The following GPC5 variants were observed in gnomAD, a reference collection of about 807,000 sequenced individuals.
The protein encoded by GPC5 is glypican-5.
Under a neutral mutation model 53.9 loss-of-function variants are expected in GPC5, and 47 were observed. The ratio of observed to expected loss-of-function variants is 0.87; its 90% CI spans 0.69 to 1.11. The LOEUF (loss-of-function observed/expected upper bound fraction) is 1.11, where lower values mean the gene tolerates loss of function less well. Among genes scored for constraint, GPC5 ranks in the 50% most tolerant of loss-of-function variants. The pLI, the probability that GPC5 is intolerant of heterozygous loss-of-function variation, is 0.00. For missense variants in GPC5, 748 were observed against 713.1 expected (o/e 1.05, Z -0.56); for synonymous variants, 286 against 263.3 (o/e 1.09, Z -0.84).
intron 7 of GPC5, among the ~76,000 whole-genome samples, chr13:92,383,600 AAC>A (rs1338630747): frequency 9.8e-5 from 15 of 152,312 alleles, no homozygotes; most frequent in African/African-American, 3.6e-4. Flanking sequence ...AAAGAAAAGA[AAC>A]ACAGAGGAAA....
intron 2 of GPC5, among the ~76,000 whole-genome samples, chr13:91,606,163 A>G: frequency 6.9e-6 from 1 of 145,628 alleles, no homozygotes; most frequent in African/African-American, 2.6e-5. Flanking sequence ...TTTTAGCATG[A>G]AGGGTTGTTG....
At chr13:91,516,109 G>A (rs1885483296) in intron 2 of GPC5, among the ~76,000 whole-genome samples, 1 of 151,992 alleles carries the variant, frequency 6.6e-6, no homozygotes. Context: ...GATTTGGATG[G>A]GGACACAGCC....
intron 6 of GPC5, among the ~76,000 whole-genome samples, chr13:92,048,955 A>ATT (rs2041005389): frequency 6.6e-6 from 1 of 152,310 alleles, no homozygotes; most frequent in Admixed American, 6.5e-5. Context: ...AACATGGCTT[A>ATT]TTTGGAACAG....
chr13:91,671,399 T>C (rs1202749567), intron 2 of GPC5, among the ~76,000 whole-genome samples: 2 of 152,150 alleles, frequency 1.3e-5, no homozygotes, highest in Non-Finnish European at 2.9e-5. Flanking sequence ...TGTAAAGGAA[T>C]GCTTGTGATT....
intron 7 of GPC5, among the ~76,000 whole-genome samples, chr13:92,707,109 T>C (rs1887978072): frequency 1.4e-5 from 2 of 146,820 alleles, no homozygotes; most frequent in South Asian, 4.5e-4. Context: ...CTATATGACA[T>C]ACATGGCTGC....
chr13:92,311,858 T>A, intron 7 of GPC5, among the ~76,000 whole-genome samples: 1 of 152,098 alleles, frequency 6.6e-6, no homozygotes, highest in East Asian at 1.9e-4. Flanking sequence ...GAGAATAACC[T>A]TTGGCTGATG....
chr13:91,735,177 C>CA, intron 4 of GPC5, among the ~76,000 whole-genome samples: 1 of 151,108 alleles, frequency 6.6e-6, no homozygotes, highest in East Asian at 1.9e-4. Flanking sequence ...TGCATCAACT[C>CA]AAAAAGAGAT....
rs568480961 is a variant in GPC5 at position 92,856,156 on chromosome 13, C to G, written c.1562-10126C>G. Reference sequence around the variant, plus strand: ...AGCAGCACAAAAAAATTTAACTCATCATAATCATATGGGTTTTATTCCTGG... The same window carrying G: ...AGCAGCACAAAAAAATTTAACTCATGATAATCATATGGGTTTTATTCCTGG... On this transcript the variant is annotated intron_variant, in intron 7 of 7. Transcript: ENST00000377067. Among the ~76,000 whole-genome samples the G allele has an allele frequency of 2.0e-4, 30 of 152,098 alleles. 1 individual carries two copies. The South Asian group carries it at 3.7e-3, about 19-fold the overall frequency.
intron 5 of GPC5, among the ~76,000 whole-genome samples, chr13:91,813,920 ATTTTTTTTTT>A (rs71113766): frequency 2.9e-4 from 21 of 72,648 alleles, no homozygotes; most frequent in East Asian, 1.6e-3. Flanking sequence ...ATCTTAACTG[ATTTTTTTTTT>A]TTTTTTTTTT....
At position 92,559,326 on chromosome 13, in the gene GPC5, GTA is replaced by G. The variant is rs1374039618; in HGVS notation, c.1562-306952_1562-306951del. ...TTCCTTCAGATGCTCTTTGTAGTGT[GTA>G]TATGTGTGTGTGTGTGTGTGTGTGT... On this transcript the variant is annotated intron_variant, in intron 7 of 7. Coordinates refer to ENST00000377067, the MANE Select transcript of GPC5 (RefSeq NM_004466.6). Among the ~76,000 whole-genome samples the G allele has an allele frequency of 4.3e-4, 49 of 114,204 alleles. No homozygotes were observed. In the East Asian group the frequency reaches 5.5e-3, roughly 13 times the overall value. 74.9% of individuals were successfully genotyped at this position (114,204 alleles called of 152,430 possible). A position where few individuals can be genotyped will look rare whatever the true frequency, so the allele number is the denominator to read the frequency against.
chr13:91,488,695 A>T (rs185278623), intron 2 of GPC5, among the ~76,000 whole-genome samples: 3 of 152,212 alleles, frequency 2.0e-5, no homozygotes, highest in Admixed American at 2.0e-4. Flanking sequence ...TCATCTCAGG[A>T]CCCTGTGATA....
At chr13:92,661,500 T>A in intron 7 of GPC5, among the ~76,000 whole-genome samples, 1 of 152,352 alleles carries the variant, frequency 6.6e-6, no homozygotes. Flanking sequence ...ATATATTTTA[T>A]GGCCTATTTT....
chr13:92,356,856 C>T (rs1346812939), intron 7 of GPC5, among the ~76,000 whole-genome samples: 1 of 152,130 alleles, frequency 6.6e-6, no homozygotes, highest in African/African-American at 2.4e-5. Flanking sequence ...GATACTCTTC[C>T]TCCTCCCCAC....
intron 6 of GPC5, among the ~76,000 whole-genome samples, chr13:92,036,708 CTT>C (rs2040895801): frequency 1.3e-5 from 2 of 152,202 alleles, no homozygotes; most frequent in African/African-American, 4.8e-5. Flanking sequence ...AAACACAACT[CTT>C]TATTTTTCCC....
At chr13:92,215,534 G>C (rs1206546732) in intron 7 of GPC5, among the ~76,000 whole-genome samples, 1 of 152,258 alleles carries the variant, frequency 6.6e-6, no homozygotes, top group East Asian at 1.9e-4. Context: ...ATGAACTGGT[G>C]ACTCTATCCC....
In GPC5 at chr13:92,642,889, T is replaced by C. The variant is rs561148986; in HGVS notation, c.1562-223393T>C. ...ATCCAGACCAGGCCAAGGGACTTTA[T>C]GATTTTAAGGAGGTTGGCTAACGCA... On this transcript the variant is annotated intron_variant, in intron 7 of 7. Coordinates refer to ENST00000377067, the MANE Select transcript of GPC5 (RefSeq NM_004466.6). Among the ~76,000 whole-genome samples, 5 of 152,306 alleles carry C rather than the reference T, an allele frequency of 3.3e-5. No individual in the cohort carries two copies. The South Asian group carries it at 1.0e-3, about 32-fold the overall frequency.
At chr13:91,753,068 T>C (rs1283105590) in intron 4 of GPC5, among the ~76,000 whole-genome samples, 1 of 152,202 alleles carries the variant, frequency 6.6e-6, no homozygotes, top group Non-Finnish European at 1.5e-5. Context: ...TGACTATTTA[T>C]TGGGGCTACT....
In GPC5 at chr13:92,285,326, T is replaced by C. The variant is rs142649748; in HGVS notation, c.1561+140337T>C. 2.0e-5 allele frequency among the ~76,000 whole-genome samples: 3 copies of C among 152,282 alleles called. No homozygotes were observed. In the East Asian group the frequency reaches 5.8e-4, roughly 29 times the overall value. ...AATGGCCATACTGCCCAAGGTAATTTATAGATTCAATGCCATCCCCATCAA... is the reference window on the plus strand; with the variant it reads ...AATGGCCATACTGCCCAAGGTAATTCATAGATTCAATGCCATCCCCATCAA... On this transcript the variant is annotated intron_variant, in intron 7 of 7. Transcript: ENST00000377067.
chr13:92,155,999 G>A (rs9556152), intron 7 of GPC5, among the ~76,000 whole-genome samples: 6,594 of 152,134 alleles, frequency 0.043, 275 homozygotes, highest in African/African-American at 0.099. Context: ...CTTATTTTAT[G>A]TTAATATAAA....
Sources: allele counts gnomAD v4.1 joint callset (sites outside exome capture counted in the v4.1 genomes callset), GRCh38; gene constraint gnomAD v4.1.1; transcripts MANE v1.5; gene names NCBI Gene and HGNC (gene_info 2026-07-23, HGNC 2026-07-21).